NEBL: variants seen among roughly 807,000 people sequenced by gnomAD.
The protein encoded by NEBL is nebulette, also known as LIM and SH3 protein 2.
Under a neutral mutation model 140.2 loss-of-function variants are expected in NEBL, and 122 were observed. The observed-to-expected ratio is 0.87, with a 90% CI of 0.75 to 1.01. The LOEUF (loss-of-function observed/expected upper bound fraction) is 1.01. Among genes scored for constraint, NEBL ranks in the 50% least tolerant of loss-of-function variants. The probability of loss-of-function intolerance (pLI) is 0.00; values close to 1 mark genes in which losing one functional copy is unlikely to be tolerated. For missense variants in NEBL, 1,365 were observed against 1,231.3 expected, an observed-to-expected ratio of 1.11 and a Z score of -1.62; for synonymous variants, 436 against 398.9, an observed-to-expected ratio of 1.09 and a Z score of -1.11.
At chr10:20,981,048 A>C (rs11012447) in intron 3 of NEBL, among the ~76,000 whole-genome samples, 24,914 of 152,024 alleles carry the variant, frequency 0.16, 3,532 homozygotes, top group East Asian at 0.39. Flanking sequence ...CCTCAGCCTC[A>C]CAAAGTGCAG....
chr10:20,866,819 T>A (rs1844341446), intron 7 of NEBL, among the ~76,000 whole-genome samples: 1 of 152,192 alleles, frequency 6.6e-6, no homozygotes, highest in Non-Finnish European at 1.5e-5. Context: ...AATTTGGGCA[T>A]CTTTTCACCT....
At chr10:20,994,241 CTCT>C (rs1467667880) in intron 3 of NEBL, among the ~76,000 whole-genome samples, 1 of 152,184 alleles carries the variant, frequency 6.6e-6, no homozygotes, top group African/African-American at 2.4e-5. Flanking sequence ...CTTAATTGCT[CTCT>C]TTAGTCTCTC....
Position 21,089,026 on chromosome 10 carries a change from T to G in NEBL, c.165-68825A>C, listed in dbSNP as rs573462882. Among the ~76,000 whole-genome samples, 6 of 152,104 alleles carry G rather than the reference T, an allele frequency of 3.9e-5. No homozygotes were observed. The South Asian group carries it at 1.2e-3, about 32-fold the overall frequency. On this transcript the variant is annotated intron_variant, in intron 2 of 6. Coordinates refer to the NEBL transcript ENST00000417816. ...AATGAGGGTCCCCTGGCACTCTCAA[T>G]GAGGAGAGATGGTGCAGTGACAGAG...
chr10:20,888,097 C>T lies in NEBL; in HGVS notation c.369G>A (p.Glu123=). The change falls in exon 4 of 28, where the codon GAG becomes GAA. Residue 123 remains glutamate, a splice_region_variant and synonymous_variant. Transcript: ENST00000377122. ...FAGEVTQLQS[E]VAYKQKHDAA... is the part of the protein sequence containing the mutation. The stretch of plus-strand genomic sequence containing the variant: ...ATGAAACACTTTAGAAAAACCCTAC[C>T]TCACTCTGGAGCTGTGTAACTTCTC... 4 of 1,594,006 alleles carry T rather than the reference C, an allele frequency of 2.5e-6. No individual in the cohort carries two copies. In the South Asian group the frequency reaches 4.4e-5, roughly 18 times the overall value.
chr10:20,972,819 A>G (rs1836639678), intron 3 of NEBL, among the ~76,000 whole-genome samples: 1 of 152,216 alleles, frequency 6.6e-6, no homozygotes, highest in Non-Finnish European at 1.5e-5. Context: ...ACACAAAGGG[A>G]TGACAGACAG....
In NEBL at chr10:21,002,276, G is replaced by A. The variant is rs75569440; in HGVS notation, c.249+17841C>T. Among the ~76,000 whole-genome samples, 30 of 151,996 alleles carry A rather than the reference G, an allele frequency of 2.0e-4. No individual in the cohort carries two copies. The East Asian group carries it at 4.8e-3, about 24-fold the overall frequency. On this transcript the variant is annotated intron_variant, in intron 3 of 6. Coordinates refer to the NEBL transcript ENST00000417816. ...TCCTAAATAATTGTAGCAGAACTTC[G>A]TGTCCTATGCAGGAAAAAACGTCAT... is the stretch of plus-strand genomic sequence containing the variant.
chr10:21,098,206 A>T (rs563044460), intron 2 of NEBL, among the ~76,000 whole-genome samples: 1 of 115,740 alleles, frequency 8.6e-6, no homozygotes, highest in Non-Finnish European at 2.3e-5. Context: ...ATTCACATAC[A>T]CACACATTCT....
intron 2 of NEBL, among the ~76,000 whole-genome samples, chr10:21,047,846 T>A (rs1834589887): frequency 6.6e-6 from 1 of 152,208 alleles, no homozygotes; most frequent in African/African-American, 2.4e-5. Context: ...AGCAATATTG[T>A]CAAAGGTGTT....
chr10:20,845,743 A>C (rs1427517098), intron 11 of NEBL, among the ~76,000 whole-genome samples: 2 of 152,166 alleles, frequency 1.3e-5, no homozygotes, highest in African/African-American at 4.8e-5. Context: ...ATCTGGTGGC[A>C]CGGAAGCCAT....
Position 20,781,028 on chromosome 10 carries a change from C to T in NEBL, c.*4719G>A, listed in dbSNP as rs1835007454. 6.6e-6 allele frequency: 1 copy of T among 152,330 alleles called. No individual in the cohort carries two copies. Among genetic ancestry groups the T allele is most frequent in the Non-Finnish European group, 1.5e-5 (1 of 68,028 alleles). The allele number at this position is 152,330 out of a possible 1,614,324, so 9.4% of individuals were successfully genotyped here. Reference sequence around the variant, plus strand: ...GCAGGGGAAATAATGTCTTATTACACATTAACTGCGACATCCACTAAAATG... The same window carrying T: ...GCAGGGGAAATAATGTCTTATTACATATTAACTGCGACATCCACTAAAATG... On this transcript the variant is annotated 3_prime_UTR_variant, in exon 28 of 28. Coordinates refer to ENST00000377122, the MANE Select transcript of NEBL (RefSeq NM_006393.3).
intron 2 of NEBL, among the ~76,000 whole-genome samples, chr10:21,082,586 T>C (rs949663476): frequency 1.2e-3 from 154 of 131,380 alleles, no homozygotes; most frequent in African/African-American, 4.7e-3. Flanking sequence ...GTAGAGAGAG[T>C]GGAATAAATG....
chr10:20,869,920 T>G (rs190587237), intron 5 of NEBL, 79 bp from the exon 6 acceptor site: 1 of 967,646 alleles, frequency 1.0e-6, no homozygotes, highest in African/African-American at 1.6e-5. Flanking sequence ...TTCATAACAT[T>G]ATTTATTCTC....
At chr10:21,248,516 C>T (rs780612065) in intron 2 of NEBL, among the ~76,000 whole-genome samples, 12 of 152,160 alleles carry the variant, frequency 7.9e-5, no homozygotes, top group Non-Finnish European at 1.8e-4. Context: ...CTTATTAGGA[C>T]TGAAGAACAT....
At chr10:20,855,699 A>T (rs1843002270) in intron 9 of NEBL, among the ~76,000 whole-genome samples, 2 of 152,148 alleles carry the variant, frequency 1.3e-5, no homozygotes, top group African/African-American at 2.4e-5. Context: ...ACACTACCAG[A>T]GGTCCATTTT....
intron 4 of NEBL, among the ~76,000 whole-genome samples, chr10:20,915,095 G>A (rs1848490454): frequency 6.6e-6 from 1 of 150,756 alleles, no homozygotes; most frequent in Non-Finnish European, 1.5e-5. Context: ...AAGCCACCAT[G>A]CCTGGCTTTT....
chr10:20,887,587 T>G (rs1846644742), intron 4 of NEBL, among the ~76,000 whole-genome samples: 1 of 151,960 alleles, frequency 6.6e-6, no homozygotes. Context: ...CGGCTAATTT[T>G]TGTATTTTTG....
At chr10:21,038,139 G>T (rs1245730671) in intron 2 of NEBL, among the ~76,000 whole-genome samples, 1 of 152,112 alleles carries the variant, frequency 6.6e-6, no homozygotes, top group East Asian at 1.9e-4. Flanking sequence ...ACTATGAGGG[G>T]AAAAGCATGA....
chr10:20,888,005 A>G, intron 4 of NEBL, 92 bp downstream of exon 4: 1 of 879,850 alleles, frequency 1.1e-6, no homozygotes, highest in Admixed American at 1.9e-5. Flanking sequence ...TTTAACACCC[A>G]TGATGAAAAC....
intron 1 of NEBL, among the ~76,000 whole-genome samples, chr10:21,263,829 G>A (rs1005770784): frequency 7.2e-5 from 11 of 152,148 alleles, no homozygotes; most frequent in African/African-American, 2.7e-4. Flanking sequence ...GCCGGGCGTG[G>A]TGGTGGGTGC....
Sources: allele counts gnomAD v4.1 joint callset (sites outside exome capture counted in the v4.1 genomes callset), GRCh38; gene constraint gnomAD v4.1.1; transcripts MANE v1.5; gene names NCBI Gene and HGNC (gene_info 2026-07-23, HGNC 2026-07-21).